Variants in WRN observed in about 807,000 individuals in gnomAD.
WRN encodes bifunctional 3'-5' exonuclease/ATP-dependent helicase WRN.
A neutral mutation model predicts 180.7 loss-of-function variants in WRN; 149 were observed. That is an observed-to-expected ratio of 0.82 (90% CI 0.72 to 0.94). WRN has a LOEUF of 0.94. Among genes scored for constraint, WRN ranks in the 40% least tolerant of loss-of-function variants. The pLI is 0.00. For synonymous variants in WRN, 548 were observed against 568.9 expected (o/e 0.96, Z 0.52); for missense variants, 1,661 against 1,700.1 (o/e 0.98, Z 0.40).
rs186407731 is a variant in WRN at position 31,147,579 on chromosome 8, C to T, written c.3572+103C>T. 11 of 1,089,948 alleles carry T rather than the reference C, an allele frequency of 1.0e-5. No homozygotes were observed. In the African/African-American group the frequency reaches 1.6e-4, roughly 15 times the overall value. 67.5% of individuals were successfully genotyped at this position (1,089,948 alleles called of 1,614,324 possible). ...ATGACCATAGCTTCCACTGTCACATCTGGGAGGTGACTCAGATTCCCCCTG... is the reference window on the plus strand; with the variant it reads ...ATGACCATAGCTTCCACTGTCACATTTGGGAGGTGACTCAGATTCCCCCTG... On this transcript the variant is annotated intron_variant, in intron 30 of 34. Coordinates refer to ENST00000298139, the MANE Select transcript of WRN (RefSeq NM_000553.6).
At chr8:31,123,100 G>A (rs1801788404) in intron 21 of WRN, among the ~76,000 whole-genome samples, 1 of 151,896 alleles carries the variant, frequency 6.6e-6, no homozygotes, top group Non-Finnish European at 1.5e-5. Flanking sequence ...GTGGCTTTGA[G>A]TACTGTAATG....
intron 24 of WRN, among the ~76,000 whole-genome samples, chr8:31,134,524 C>T (rs1802323929): frequency 6.6e-6 from 1 of 152,168 alleles, no homozygotes; most frequent in Non-Finnish European, 1.5e-5. Context: ...TTCGTTTTAG[C>T]TGTCTGAACA....
intron 6 of WRN, among the ~76,000 whole-genome samples, chr8:31,067,722 G>T (rs188336322): frequency 1.3e-5 from 2 of 152,178 alleles, no homozygotes; most frequent in East Asian, 3.9e-4. Context: ...TAGCACTATT[G>T]TGTGTTTTTT....
intron 17 of WRN, among the ~76,000 whole-genome samples, chr8:31,098,611 A>C (rs1192872310): frequency 6.6e-6 from 1 of 152,218 alleles, no homozygotes; most frequent in African/African-American, 2.4e-5. Flanking sequence ...AAATTGTACA[A>C]TGCTTGCAAA....
At chr8:31,143,817 G>A (rs1802757660) in intron 28 of WRN, among the ~76,000 whole-genome samples, 194 bp downstream of exon 28, 1 of 151,990 alleles carries the variant, frequency 6.6e-6, no homozygotes, top group Non-Finnish European at 1.5e-5. Flanking sequence ...ACACTTCTTG[G>A]ATATTACTGT....
chr8:31,093,684 A>G (rs1000779303), intron 16 of WRN, among the ~76,000 whole-genome samples: 1 of 152,202 alleles, frequency 6.6e-6, no homozygotes, highest in Non-Finnish European at 1.5e-5. Flanking sequence ...GTTTTGACAC[A>G]GGTATGCACT....
intron 24 of WRN, among the ~76,000 whole-genome samples, chr8:31,139,165 A>G (rs903173820): frequency 1.3e-5 from 2 of 152,158 alleles, no homozygotes; most frequent in Non-Finnish European, 2.9e-5. Context: ...GTTTTCATCA[A>G]TTCAATAAAA....
At chr8:31,080,411 T>G (rs560367943) in intron 8 of WRN, among the ~76,000 whole-genome samples, 1 of 151,956 alleles carries the variant, frequency 6.6e-6, no homozygotes, top group South Asian at 2.1e-4. Context: ...ATGATTTTCC[T>G]TGACACTTTT....
At chr8:31,076,315 C>G (rs751221483) in intron 8 of WRN, 28 bp downstream of exon 8, 1 of 1,508,460 alleles carries the variant, frequency 6.6e-7, no homozygotes, top group Admixed American at 1.7e-5. Context: ...TTTTTTTTAA[C>G]TTAAATCAAT....
At position 31,078,417 on chromosome 8, in the gene WRN, G is replaced by A. The variant is rs76115536; in HGVS notation, c.839+2130G>A. ...ATTCCAGCTTACTTTCGGCATTTCT[G>A]TGGAGTGCAGGAGGCCACATTTTGT... On this transcript the variant is annotated intron_variant, in intron 8 of 34. Transcript: ENST00000298139. Among the ~76,000 whole-genome samples, 804 of 152,238 alleles carry A rather than the reference G, an allele frequency of 5.3e-3. 11 individuals carry two copies. Among genetic ancestry groups the A allele is most frequent in the African/African-American group, 0.018 (757 of 41,534 alleles).
chr8:31,106,342 C>T (rs1390210264), intron 18 of WRN, among the ~76,000 whole-genome samples: 2 of 151,996 alleles, frequency 1.3e-5, no homozygotes, highest in African/African-American at 2.4e-5. Flanking sequence ...TCTGATAGAT[C>T]ATGTCTTCGG....
chr8:31,058,679 A>AGT (rs1812369779), intron 2 of WRN, 136 bp downstream of exon 2: 2 of 810,670 alleles, frequency 2.5e-6, no homozygotes, highest in Non-Finnish European at 4.1e-6. Flanking sequence ...ACCAGGACCT[A>AGT]GTTGTTGAAA....
In WRN at chr8:31,139,398, G is replaced by T. The variant is rs183436073; in HGVS notation, c.2968-2032G>T. 6.6e-5 allele frequency among the ~76,000 whole-genome samples: 10 copies of T among 152,208 alleles called. No homozygotes were observed. In the East Asian group the frequency reaches 1.7e-3, roughly 26 times the overall value. ...TCAAATTGCTCATAATCATTCTAGT[G>T]AATTTAAGTAGAAAGGTATTTATTA... On this transcript the variant is annotated intron_variant, in intron 24 of 34. Coordinates refer to ENST00000298139, the MANE Select transcript of WRN (RefSeq NM_000553.6).
intron 21 of WRN, among the ~76,000 whole-genome samples, chr8:31,122,731 G>A (rs977090183): frequency 4.0e-5 from 6 of 151,634 alleles, no homozygotes; most frequent in South Asian, 2.1e-4. Context: ...TTTATTTGCC[G>A]TTAAGAGTTG....
intron 33 of WRN, 76 bp downstream of exon 33, chr8:31,157,606 T>C (rs1803439384): frequency 2.6e-6 from 4 of 1,551,124 alleles, no homozygotes; most frequent in Non-Finnish European, 3.5e-6. Context: ...TTTTTCACTG[T>C]TAACAGCATT....
intron 33 of WRN, among the ~76,000 whole-genome samples, chr8:31,158,459 G>A (rs966085242): frequency 6.6e-6 from 1 of 151,758 alleles, no homozygotes; most frequent in African/African-American, 2.4e-5. Context: ...TTCTCTCCTA[G>A]ATGTGTAAAT....
intron 23 of WRN, 42 bp from the exon 24 acceptor site, chr8:31,132,323 G>A (rs772852848): frequency 2.1e-5 from 33 of 1,600,468 alleles, no homozygotes; most frequent in African/African-American, 2.7e-5. Flanking sequence ...AAAGATACAT[G>A]CCTTTGCTAA....
rs113865676 is a variant in WRN at position 31,065,309 on chromosome 8, G to A, written c.504+246G>A. Among the ~76,000 whole-genome samples, 87 of 152,212 alleles carry A rather than the reference G, an allele frequency of 5.7e-4. 1 individual carries two copies. In the East Asian group the frequency reaches 0.013, roughly 22 times the overall value. Reference sequence around the variant, plus strand: ...ACACAGGTAAACTTGTGTCATGGGGGTTTATCATACAGATTATTTTATCAC... The same window carrying A: ...ACACAGGTAAACTTGTGTCATGGGGATTTATCATACAGATTATTTTATCAC... On this transcript the variant is annotated intron_variant, in intron 5 of 34. Coordinates refer to ENST00000298139, the MANE Select transcript of WRN (RefSeq NM_000553.6).
At chr8:31,048,022 GTTTA>G (rs1282165470) in intron 1 of WRN, among the ~76,000 whole-genome samples, 2 of 152,178 alleles carry the variant, frequency 1.3e-5, no homozygotes, top group African/African-American at 2.4e-5. Flanking sequence ...ATTTTATTGT[GTTTA>G]TTTGTTTGAT....
Sources: gnomAD v4.1 joint callset for allele counts (sites outside exome capture counted in the v4.1 genomes callset) on GRCh38, gnomAD v4.1.1 for gene constraint, MANE v1.5 for transcripts, NCBI Gene and HGNC (gene_info 2026-07-23, HGNC 2026-07-21) for gene names.